OSTF1: variants seen among roughly 807,000 people sequenced by gnomAD.
OSTF1 encodes the protein osteoclast stimulating factor 1.
OSTF1 carries 27 observed loss-of-function variants against 37.2 expected under a neutral mutation model. The observed-to-expected ratio is 0.73, with a 90% CI of 0.54 to 1.00. The LOEUF is 1.00. Ranked by LOEUF, OSTF1 falls within the 50% of genes least tolerant of loss-of-function variation. The pLI, the probability that OSTF1 is intolerant of heterozygous loss-of-function variation, is 0.00. For synonymous variants in OSTF1, 82 were observed against 89.2 expected (o/e 0.92, Z 0.46); for missense variants, 232 against 253.8 (o/e 0.91, Z 0.58).
intron 3 of OSTF1, among the ~76,000 whole-genome samples, chr9:75,128,585 T>TATATATATATATATATATTTTGTCC (rs2118570652): frequency 1.2e-5 from 1 of 85,476 alleles, no homozygotes; most frequent in East Asian, 3.3e-4. Context: ...TTTGTCCATA[T>TATATATATATATATATATTTTGTCC]ATATATATAT....
intron 1 of OSTF1, among the ~76,000 whole-genome samples, chr9:75,109,687 C>G (rs147817438): frequency 0.011 from 1,686 of 152,220 alleles, 43 homozygotes; most frequent in African/African-American, 0.039. Flanking sequence ...TATTTTCTTC[C>G]TACGGAAGAT....
chr9:75,092,528 C>T (rs1564151509), intron 1 of OSTF1, among the ~76,000 whole-genome samples: 1 of 151,948 alleles, frequency 6.6e-6, no homozygotes. Context: ...TGGCTGATCT[C>T]ATTCATTTTG....
chr9:75,137,363 C>A (rs1164680746), intron 7 of OSTF1, among the ~76,000 whole-genome samples, 175 bp from the exon 8 acceptor site: 1 of 152,182 alleles, frequency 6.6e-6, no homozygotes, highest in Non-Finnish European at 1.5e-5. Flanking sequence ...AAAATGACTC[C>A]TCTCCCATCT....
At chr9:75,125,923 T>G (rs1825654800) in intron 2 of OSTF1, among the ~76,000 whole-genome samples, 1 of 152,136 alleles carries the variant, frequency 6.6e-6, no homozygotes, top group Middle Eastern at 3.2e-3. Flanking sequence ...TTAAAAAAAT[T>G]TTTTGAGACA....
At chr9:75,134,811 A>C (rs1220759119) in intron 7 of OSTF1, among the ~76,000 whole-genome samples, 1 of 152,178 alleles carries the variant, frequency 6.6e-6, no homozygotes, top group African/African-American at 2.4e-5. Context: ...TTATATTACT[A>C]TATAATATTT....
intron 1 of OSTF1, among the ~76,000 whole-genome samples, chr9:75,112,250 A>T (rs1372249342): frequency 6.6e-6 from 1 of 152,038 alleles, no homozygotes; most frequent in East Asian, 1.9e-4. Context: ...AATAAATATG[A>T]TGTAAAATGA....
intron 9 of OSTF1, among the ~76,000 whole-genome samples, chr9:75,143,741 C>T (rs1043445736): frequency 1.3e-5 from 2 of 152,146 alleles, no homozygotes; most frequent in Non-Finnish European, 2.9e-5. Context: ...TGAACGTGAG[C>T]TAGGGAAGGA....
intron 1 of OSTF1, among the ~76,000 whole-genome samples, chr9:75,113,526 G>C (rs1411101195): frequency 2.7e-5 from 4 of 150,816 alleles, no homozygotes; most frequent in Non-Finnish European, 5.9e-5. Context: ...TTGGCTCACT[G>C]CAACCTCCGC....
intron 4 of OSTF1, 101 bp from the exon 5 acceptor site, chr9:75,131,669 T>G: frequency 1.2e-6 from 1 of 821,164 alleles, no homozygotes. Context: ...TTGAATGCCC[T>G]GGTACTCCTG....
intron 1 of OSTF1, among the ~76,000 whole-genome samples, chr9:75,093,556 T>C (rs1028864621): frequency 2.0e-5 from 3 of 152,180 alleles, no homozygotes; most frequent in African/African-American, 7.2e-5. Context: ...AGCATAAATA[T>C]TTCATGTGCC....
In OSTF1 at chr9:75,101,316, A is replaced by C. The variant is rs116394187; in HGVS notation, c.34+12590A>C. Among the ~76,000 whole-genome samples the C allele has an allele frequency of 1.7e-3, 252 of 152,300 alleles. 2 individuals carry two copies. The highest frequency in any genetic ancestry group is 6.0e-3 in the African/African-American group (249 of 41,564). On this transcript the variant is annotated intron_variant, in intron 1 of 9. Transcript: ENST00000346234. ...TTATGATAGGAATGTGGCTCTTAGG[A>C]ACACAACACCAACCTTTTGAAGTAG... is the stretch of plus-strand genomic sequence containing the variant.
At chr9:75,124,749 T>C (rs774058315) in intron 2 of OSTF1, among the ~76,000 whole-genome samples, 9 of 152,256 alleles carry the variant, frequency 5.9e-5, no homozygotes, top group Non-Finnish European at 1.3e-4. Context: ...GTGTGTTCTT[T>C]GTTTTTAAAA....
intron 1 of OSTF1, among the ~76,000 whole-genome samples, chr9:75,107,390 C>G (rs969355790): frequency 1.9e-4 from 29 of 152,176 alleles, no homozygotes; most frequent in Admixed American, 1.8e-3. Context: ...CCTGCATGTT[C>G]TTAGACAGAT....
intron 5 of OSTF1, among the ~76,000 whole-genome samples, chr9:75,133,018 T>C (rs935744070): frequency 7.4e-5 from 11 of 149,168 alleles, no homozygotes; most frequent in Non-Finnish European, 1.5e-4. Context: ...CACACCCCTA[T>C]ATATTTTTTA....
At chr9:75,130,968 C>T (rs75663240) in intron 4 of OSTF1, among the ~76,000 whole-genome samples, 1,948 of 152,116 alleles carry the variant, frequency 0.013, 47 homozygotes, top group African/African-American at 0.044. Flanking sequence ...TTAGACTAGC[C>T]GTTTCTTTTG....
chr9:75,136,994 T>C (rs1307195013), intron 7 of OSTF1, among the ~76,000 whole-genome samples: 2 of 152,116 alleles, frequency 1.3e-5, no homozygotes, highest in Admixed American at 6.5e-5. Context: ...ACCCTCAGGT[T>C]TGAGTTTCTG....
intron 1 of OSTF1, among the ~76,000 whole-genome samples, chr9:75,089,336 G>T (rs957049184): frequency 6.6e-6 from 1 of 151,474 alleles, no homozygotes; most frequent in African/African-American, 2.4e-5. Flanking sequence ...TTGCTATTTG[G>T]AAGTGTCATT....
chr9:75,104,998 CTG>C (rs997330761), intron 1 of OSTF1, among the ~76,000 whole-genome samples: 6 of 152,138 alleles, frequency 3.9e-5, no homozygotes, highest in African/African-American at 1.4e-4. Context: ...AAATAAATTG[CTG>C]TGAGTTAGTA....
chr9:75,092,702 T>C lies in OSTF1; in HGVS notation c.34+3976T>C, dbSNP rs1364809660. 2.0e-5 allele frequency among the ~76,000 whole-genome samples: 3 copies of C among 152,214 alleles called. No homozygotes were observed. In the East Asian group the frequency reaches 5.8e-4, roughly 29 times the overall value. Reference sequence around the variant, plus strand: ...TGAATATTCTTTCAGGTTTCTTTCTTCTTCACATCCATTTCATTTCAAAAA... The same window carrying C: ...TGAATATTCTTTCAGGTTTCTTTCTCCTTCACATCCATTTCATTTCAAAAA... On this transcript the variant is annotated intron_variant, in intron 1 of 9. Coordinates refer to ENST00000346234, the MANE Select transcript of OSTF1 (RefSeq NM_012383.5).
Sources: allele counts gnomAD v4.1 joint callset (sites outside exome capture counted in the v4.1 genomes callset), GRCh38; gene constraint gnomAD v4.1.1; transcripts MANE v1.5; gene names NCBI Gene and HGNC (gene_info 2026-07-23, HGNC 2026-07-21).